Variants in SMIM31 observed in about 807,000 individuals in gnomAD.
SMIM31 encodes small integral membrane protein 31, also known as human epithelial cell program regulator.
chr4:164,774,280 G>A (rs4634180), intron 2 of SMIM31, among the ~76,000 whole-genome samples: 124,032 of 152,116 alleles, frequency 0.82, 50,769 homozygotes, highest in East Asian at 0.97. Context: ...TTAAATATCT[G>A]GCAATACAAT....
intron 2 of SMIM31, among the ~76,000 whole-genome samples, chr4:164,796,280 T>C (rs1225480587): frequency 6.6e-6 from 1 of 152,212 alleles, no homozygotes; most frequent in African/African-American, 2.4e-5. Flanking sequence ...CTGCCGAAAA[T>C]GTTACTGCGG....
At chr4:164,773,666 A>G (rs186566568) in intron 2 of SMIM31, among the ~76,000 whole-genome samples, 59 of 152,330 alleles carry the variant, frequency 3.9e-4, no homozygotes, top group Admixed American at 3.1e-3. Flanking sequence ...ACTGTAATTC[A>G]AGATGAGATT....
Position 164,798,528 on chromosome 4 carries a change from A to G in SMIM31, c.113-2563A>G, listed in dbSNP as rs184402796. 1.2e-4 allele frequency among the ~76,000 whole-genome samples: 19 copies of G among 152,186 alleles called. No homozygotes were observed. The East Asian group carries it at 3.7e-3, about 29-fold the overall frequency. ...AGTGCTGGGATTACAGGCATGAGCC[A>G]CCACACCTGGCCTGATATAATGATT... On this transcript the variant is annotated intron_variant, in intron 2 of 2. Transcript: ENST00000507311.
Position 164,795,881 on chromosome 4 carries a change from T to C in SMIM31, c.113-5210T>C, listed in dbSNP as rs188572964. 4.0e-3 allele frequency among the ~76,000 whole-genome samples: 605 copies of C among 152,176 alleles called. 2 individuals are homozygous for C. The highest frequency in any genetic ancestry group is 0.014 in the African/African-American group (580 of 41,518). Reference sequence around the variant, plus strand: ...ACCTCTGCCCTCCAAGAAAGCACAGTCTAGTGAGGTGCAATATCTCAGTTC... The same window carrying C: ...ACCTCTGCCCTCCAAGAAAGCACAGCCTAGTGAGGTGCAATATCTCAGTTC... On this transcript the variant is annotated intron_variant, in intron 2 of 2. Coordinates refer to ENST00000507311, the MANE Select transcript of SMIM31 (RefSeq NM_001352885.1).
At position 164,772,766 on chromosome 4, in the gene SMIM31, G is replaced by C. The variant is rs554338321; in HGVS notation, c.112+2211G>C. On this transcript the variant is annotated intron_variant, in intron 2 of 2. Transcript: ENST00000507311. ...GCTAATTTTTTGTATTTTTAGTAGA[G>C]ACGGGGTTTCACCGTGTTAGCCGGG... Among the ~76,000 whole-genome samples the C allele has an allele frequency of 4.6e-5, 7 of 151,382 alleles. No homozygotes were observed. The South Asian group carries it at 1.5e-3, about 32-fold the overall frequency.
chr4:164,758,633 T>TG, intron 1 of SMIM31, among the ~76,000 whole-genome samples: 1 of 123,016 alleles, frequency 8.1e-6, no homozygotes, highest in South Asian at 3.1e-4. Context: ...TTTTTTTGTT[T>TG]TTTTTTTTTT....
At chr4:164,788,125 G>A (rs781011298) in intron 2 of SMIM31, among the ~76,000 whole-genome samples, 4 of 152,058 alleles carry the variant, frequency 2.6e-5, no homozygotes, top group Admixed American at 6.5e-5. Flanking sequence ...AATAAATATC[G>A]TCAGCAATCC....
intron 2 of SMIM31, among the ~76,000 whole-genome samples, chr4:164,796,444 C>G (rs549283840): frequency 3.3e-4 from 50 of 152,288 alleles, no homozygotes; most frequent in African/African-American, 1.2e-3. Flanking sequence ...TCCACCTCCT[C>G]TCTATCGGTA....
intron 2 of SMIM31, 67 bp downstream of exon 2, chr4:164,770,622 G>T (rs1393412346): frequency 3.8e-5 from 15 of 398,086 alleles, no homozygotes; most frequent in Non-Finnish European, 4.9e-5. Flanking sequence ...CTATCATCTT[G>T]CCATGTGTTG....
At chr4:164,792,379 C>T (rs1304747008) in intron 2 of SMIM31, among the ~76,000 whole-genome samples, 1 of 152,246 alleles carries the variant, frequency 6.6e-6, no homozygotes, top group East Asian at 1.9e-4. Flanking sequence ...TTTCTCCACC[C>T]TTTGGGAAAC....
At chr4:164,769,814 G>A (rs1197737388) in intron 1 of SMIM31, among the ~76,000 whole-genome samples, 1 of 152,008 alleles carries the variant, frequency 6.6e-6, no homozygotes, top group Admixed American at 6.6e-5. Flanking sequence ...AACCATTATG[G>A]TGGGTTTGGG....
rs577554659 is a variant in SMIM31 at position 164,754,977 on chromosome 4, T to C, written c.-26+566T>C. 6.6e-5 allele frequency among the ~76,000 whole-genome samples: 10 copies of C among 151,506 alleles called. No individual in the cohort carries two copies. The South Asian group carries it at 2.1e-3, about 32-fold the overall frequency. On this transcript the variant is annotated intron_variant, in intron 1 of 2. Transcript: ENST00000507311. ...TCAGATTTATGTTATTAAAAGCCTT[T>C]AGAAATACTCAGGAGGAAATACTGT...
intron 2 of SMIM31, among the ~76,000 whole-genome samples, chr4:164,777,794 T>A (rs1447448472): frequency 1.3e-5 from 2 of 152,200 alleles, no homozygotes; most frequent in Non-Finnish European, 2.9e-5. Flanking sequence ...TTAGAGAAAG[T>A]AAGCCCAAGG....
At position 164,760,069 on chromosome 4, in the gene SMIM31, T is replaced by A. The variant is rs993275524; in HGVS notation, c.-26+5658T>A. Among the ~76,000 whole-genome samples the A allele has an allele frequency of 8.3e-4, 126 of 152,140 alleles. 1 individual carries two copies. Among genetic ancestry groups the A allele is most frequent in the Non-Finnish European group, 9.7e-4 (66 of 68,028 alleles). ...GTACAAAGGCCCTCTGGTGGAAATATGCCTGGAGTGAAGGAGCAAAAGCCA... is the reference window on the plus strand; with the variant it reads ...GTACAAAGGCCCTCTGGTGGAAATAAGCCTGGAGTGAAGGAGCAAAAGCCA... On this transcript the variant is annotated intron_variant, in intron 1 of 2. Coordinates refer to ENST00000507311, the MANE Select transcript of SMIM31 (RefSeq NM_001352885.1).
intron 2 of SMIM31, among the ~76,000 whole-genome samples, chr4:164,784,998 C>T (rs111699607): frequency 2.7e-5 from 4 of 150,834 alleles, no homozygotes; most frequent in Non-Finnish European, 4.4e-5. Context: ...CCGAGGCGGG[C>T]GGATTGCCTG....
intron 2 of SMIM31, among the ~76,000 whole-genome samples, chr4:164,796,275 G>A (rs73875030): frequency 0.019 from 2,856 of 152,130 alleles, 64 homozygotes; most frequent in African/African-American, 0.063. Flanking sequence ...CACAACTGCC[G>A]AAAATGTTAC....
intron 2 of SMIM31, among the ~76,000 whole-genome samples, chr4:164,774,168 GAAA>G (rs11322166): frequency 3.3e-5 from 4 of 121,248 alleles, no homozygotes; most frequent in Admixed American, 8.3e-5. Flanking sequence ...TCTGTCTCAA[GAAA>G]AAAAAAAAAA....
At chr4:164,765,989 C>T (rs1002581821) in intron 1 of SMIM31, among the ~76,000 whole-genome samples, 1 of 152,168 alleles carries the variant, frequency 6.6e-6, no homozygotes, top group Non-Finnish European at 1.5e-5. Flanking sequence ...ATGTTCCATG[C>T]TGTCCCCGAG....
At chr4:164,764,596 A>C (rs1031193357) in intron 1 of SMIM31, among the ~76,000 whole-genome samples, 10 of 151,976 alleles carry the variant, frequency 6.6e-5, no homozygotes, top group Non-Finnish European at 1.3e-4. Flanking sequence ...ATAGAAAAAA[A>C]TGTGGTGGGT....
Sources: allele counts gnomAD v4.1 joint callset (sites outside exome capture counted in the v4.1 genomes callset), GRCh38; gene constraint gnomAD v4.1.1; transcripts MANE v1.5; gene names NCBI Gene and HGNC (gene_info 2026-07-23, HGNC 2026-07-21).